The following FUT8 variants were observed in gnomAD, a reference collection of about 807,000 sequenced individuals.
FUT8 encodes the protein alpha-(1,6)-fucosyltransferase.
FUT8 carries 29 observed loss-of-function variants against 71.3 expected under a neutral mutation model. The ratio of observed to expected loss-of-function variants is 0.41; its 90% CI spans 0.30 to 0.55. FUT8 has a LOEUF of 0.55. Among genes scored for constraint, FUT8 ranks in the 20% least tolerant of loss-of-function variants. FUT8 has a pLI of 0.34. For synonymous variants in FUT8, 254 were observed against 239.3 expected (o/e 1.06, Z -0.57); for missense variants, 544 against 702.1 (o/e 0.77, Z 2.55).
chr14:65,589,295 A>G (rs1887553588), intron 3 of FUT8, among the ~76,000 whole-genome samples: 1 of 152,234 alleles, frequency 6.6e-6, no homozygotes, highest in Non-Finnish European at 1.5e-5. Context: ...AAACTCACAT[A>G]GAAGAAATAA....
Position 65,416,687 on chromosome 14 carries a change from A to G in FUT8, c.-326+3473A>G, listed in dbSNP as rs1220342421. On this transcript the variant is annotated intron_variant, in intron 1 of 10. Transcript: ENST00000673929. Reference sequence around the variant, plus strand: ...TAAAAGTAAAAGATATTTACGACTGATTTTTAAAGAACCTGTAAAAAAATC... The same window carrying G: ...TAAAAGTAAAAGATATTTACGACTGGTTTTTAAAGAACCTGTAAAAAAATC... Among the ~76,000 whole-genome samples, 3 of 152,032 alleles carry G rather than the reference A, an allele frequency of 2.0e-5. No homozygotes were observed. The East Asian group carries it at 5.8e-4, about 29-fold the overall frequency.
intron 7 of FUT8, among the ~76,000 whole-genome samples, chr14:65,673,861 CT>C (rs1892588947): frequency 6.6e-6 from 1 of 152,140 alleles, no homozygotes; most frequent in South Asian, 2.1e-4. Context: ...TTTTTGTTAT[CT>C]CATAACTATT....
At chr14:65,408,990 A>AT (rs528930960), upstream of FUT8, among the ~76,000 whole-genome samples, 313 of 152,164 alleles carry the variant, frequency 2.1e-3, no homozygotes, top group Middle Eastern at 6.8e-3. Flanking sequence ...TTTTCCCTAT[A>AT]TTTCATTTTT....
At chr14:65,374,921 T>A in the FUT8 span, among the ~76,000 whole-genome samples, 1 of 152,096 alleles carries the variant, frequency 6.6e-6, no homozygotes, top group Non-Finnish European at 1.5e-5. Context: ...GTTGTAAATG[T>A]AACTATTCCC....
At chr14:65,598,513 G>T (rs72716407) in intron 3 of FUT8, among the ~76,000 whole-genome samples, 20,842 of 152,108 alleles carry the variant, frequency 0.14, 1,914 homozygotes, top group South Asian at 0.28. Flanking sequence ...GAGCCACTGC[G>T]CCTGGCCACA....
the FUT8 span, among the ~76,000 whole-genome samples, chr14:65,389,938 C>T: frequency 3.3e-5 from 5 of 150,854 alleles, no homozygotes; most frequent in South Asian, 2.1e-4. Flanking sequence ...GTCAGGAGAT[C>T]GAGACCATCC....
rs546533648 is a variant in FUT8, at chr14:65,585,375, C to T, written c.203+23609C>T. Among the ~76,000 whole-genome samples, 75 of 152,146 alleles carry T rather than the reference C, an allele frequency of 4.9e-4. No individual in the cohort carries two copies. The South Asian group carries it at 0.015, about 31-fold the overall frequency. ...CTAATTTTTAAATTTTTTGTACAGG[C>T]AGGATCTTGCCATGTTGCTCAGGCT... On this transcript the variant is annotated intron_variant, in intron 3 of 10. Transcript: ENST00000673929.
chr14:65,450,905 G>A (rs1288666449), intron 1 of FUT8, among the ~76,000 whole-genome samples: 1 of 149,426 alleles, frequency 6.7e-6, no homozygotes, highest in Non-Finnish European at 1.5e-5. Flanking sequence ...TCCCTCTGTC[G>A]GCCAGGCTAG....
At chr14:65,697,840 T>C (rs1001338973) in intron 7 of FUT8, among the ~76,000 whole-genome samples, 2 of 152,090 alleles carry the variant, frequency 1.3e-5, no homozygotes, top group African/African-American at 4.8e-5. Flanking sequence ...CTGGGCGTGG[T>C]GGCACATTCC....
chr14:65,557,874 C>T (rs765410169), intron 2 of FUT8, among the ~76,000 whole-genome samples: 3 of 152,020 alleles, frequency 2.0e-5, no homozygotes, highest in Admixed American at 6.6e-5. Flanking sequence ...AATATTTTTA[C>T]GAATTTGAAC....
chr14:65,725,732 C>G (rs1207762719), intron 9 of FUT8, among the ~76,000 whole-genome samples: 1 of 152,198 alleles, frequency 6.6e-6, no homozygotes, highest in East Asian at 1.9e-4. Flanking sequence ...GTATTGATTT[C>G]AATCCCATCA....
intron 2 of FUT8, among the ~76,000 whole-genome samples, chr14:65,508,576 C>G (rs1318282297): frequency 7.6e-6 from 1 of 130,876 alleles, no homozygotes; most frequent in Non-Finnish European, 1.6e-5. Flanking sequence ...TCTCGGCTCA[C>G]TACAACCTCC....
the FUT8 span, among the ~76,000 whole-genome samples, chr14:65,400,826 A>T: frequency 6.6e-6 from 1 of 152,114 alleles, no homozygotes; most frequent in South Asian, 2.1e-4. Flanking sequence ...TTGAGGCTGC[A>T]GTGAGCCAGG....
intron 1 of FUT8, among the ~76,000 whole-genome samples, chr14:65,414,517 T>G (rs1189654416): frequency 2.6e-5 from 4 of 152,244 alleles, no homozygotes; most frequent in African/African-American, 9.6e-5. Context: ...TAAGGCCCTG[T>G]ACCTTGCTGT....
intron 1 of FUT8, among the ~76,000 whole-genome samples, chr14:65,420,384 T>C (rs112181332): frequency 6.6e-6 from 1 of 152,088 alleles, no homozygotes; most frequent in African/African-American, 2.4e-5. Context: ...CCCAAAATGC[T>C]GGGATTACAG....
At chr14:65,386,161 A>C in the FUT8 span, among the ~76,000 whole-genome samples, 3 of 151,224 alleles carry the variant, frequency 2.0e-5, no homozygotes, top group African/African-American at 7.3e-5. Flanking sequence ...AAAAAAAAAA[A>C]AGAAGTTCAG....
intron 2 of FUT8, among the ~76,000 whole-genome samples, chr14:65,480,464 C>T (rs2066313650): frequency 6.6e-6 from 1 of 151,714 alleles, no homozygotes; most frequent in Admixed American, 6.6e-5. Context: ...TACAGGTACA[C>T]TCCATCATGC....
chr14:65,407,547 C>T (rs1246756750), upstream of FUT8, among the ~76,000 whole-genome samples: 3 of 152,210 alleles, frequency 2.0e-5, no homozygotes, highest in South Asian at 4.1e-4. Context: ...AAGTGATCCT[C>T]CCACCTTGGC....
intron 6 of FUT8, among the ~76,000 whole-genome samples, chr14:65,631,410 C>T (rs1328780853): frequency 6.6e-6 from 1 of 151,902 alleles, no homozygotes; most frequent in Non-Finnish European, 1.5e-5. Context: ...TGGCCAAGTG[C>T]TTTCACCTGT....
Sources: gnomAD v4.1 joint callset for allele counts (sites outside exome capture counted in the v4.1 genomes callset) on GRCh38, gnomAD v4.1.1 for gene constraint, MANE v1.5 for transcripts, NCBI Gene and HGNC (gene_info 2026-07-23, HGNC 2026-07-21) for gene names.